The following OXSR1 variants were observed in gnomAD, a reference collection of about 807,000 sequenced individuals.
OXSR1 encodes the protein oxidative stress responsive kinase 1.
In OXSR1, 24 loss-of-function variants were observed where a neutral mutation model predicts 79.8. The ratio of observed to expected loss-of-function variants is 0.30; its 90% confidence interval spans 0.22 to 0.42. The LOEUF is 0.42. Among genes scored for constraint, OXSR1 ranks in the 10% least tolerant of loss-of-function variants. The pLI is 1.00. For synonymous variants in OXSR1, 226 were observed against 209.2 expected, an observed-to-expected ratio of 1.08 and a Z score of -0.69; for missense variants, 430 against 618.4, an observed-to-expected ratio of 0.70 and a Z score of 3.23.
intron 11 of OXSR1, among the ~76,000 whole-genome samples, chr3:38,238,094 A>G (rs532464331): frequency 6.6e-6 from 1 of 152,172 alleles, no homozygotes; most frequent in Admixed American, 6.5e-5. Context: ...TAGTTCTGAA[A>G]TAGTTATAGT....
Position 38,224,626 on chromosome 3 carries a change from A to T in OXSR1, c.758A>T (p.Asp253Val). Residue 253 changes from aspartate to valine, a missense_variant, in exon 8 of 18, where the codon GAT becomes GTT. Around this residue, in one of 3 missense-constraint regions of OXSR1, gnomAD observed 276 missense variants for 354.2 expected, o/e 0.78. Coordinates refer to ENST00000311806, the MANE Select transcript of OXSR1 (RefSeq NM_005109.3). ...CCTTCTTTGGAAACTGGTGTTCAAGATAAAGAAATGCTGAAAAAATATGGA... is the reference window on the plus strand; with the variant it reads ...CCTTCTTTGGAAACTGGTGTTCAAGTTAAAGAAATGCTGAAAAAATATGGA... ...DPPSLETGVQDKEMLKKYGKS... is the reference protein window; with the variant it reads ...DPPSLETGVQVKEMLKKYGKS... 6.3e-7 allele frequency: 1 copy of T among 1,597,376 alleles called. No individual in the cohort carries two copies. The highest frequency in any genetic ancestry group is 8.5e-7 in the Non-Finnish European group (1 of 1,172,510).
At chr3:38,181,230 A>C (rs1255375001) in intron 1 of OXSR1, among the ~76,000 whole-genome samples, 2 of 150,970 alleles carry the variant, frequency 1.3e-5, no homozygotes, top group Non-Finnish European at 2.9e-5. Flanking sequence ...TCTGCTATTG[A>C]GTCTGTCCAG....
At chr3:38,185,983 G>A (rs1701878894) in intron 2 of OXSR1, among the ~76,000 whole-genome samples, 2 of 139,566 alleles carry the variant, frequency 1.4e-5, no homozygotes, top group Non-Finnish European at 3.1e-5. Context: ...AAAAAGTCAT[G>A]TGAAAGAAAG....
In OXSR1 at chr3:38,165,755, C is replaced by G. The variant is rs553074605; in HGVS notation, c.-122C>G. On this transcript the variant is annotated 5_prime_UTR_variant, in exon 1 of 18. Coordinates refer to ENST00000311806, the MANE Select transcript of OXSR1 (RefSeq NM_005109.3). ...CGGCGCCGTCCGACCCGTGGCTGTT[C>G]CGAGACGATTGGTGGGGGCGCGGCG... 5.6e-6 allele frequency: 5 copies of G among 892,138 alleles called. No individual in the cohort carries two copies. The highest frequency in any genetic ancestry group is 3.1e-5 in the South Asian group (2 of 64,486). The allele number at this position is 892,138 out of a possible 1,614,324, so 55.3% of individuals were successfully genotyped here. A position where few individuals can be genotyped will look rare whatever the true frequency, so the allele number is the denominator to read the frequency against.
intron 12 of OXSR1, among the ~76,000 whole-genome samples, chr3:38,245,391 T>C (rs573072608): frequency 6.6e-6 from 1 of 152,310 alleles, no homozygotes; most frequent in East Asian, 1.9e-4. Flanking sequence ...TAAAATATCT[T>C]TTTTTAGTTT....
intron 10 of OXSR1, among the ~76,000 whole-genome samples, chr3:38,234,018 CA>C (rs1258447923): frequency 6.6e-6 from 1 of 152,122 alleles, no homozygotes; most frequent in Non-Finnish European, 1.5e-5. Context: ...TCATCATCTT[CA>C]AATGGCCTTG....
intron 4 of OXSR1, among the ~76,000 whole-genome samples, chr3:38,200,443 C>T (rs893011638): frequency 9.9e-5 from 15 of 152,236 alleles, no homozygotes; most frequent in Non-Finnish European, 8.8e-5. Context: ...TTCTGAGGCC[C>T]CTAGCCACTC....
chr3:38,178,976 CA>C (rs902807947), intron 1 of OXSR1, among the ~76,000 whole-genome samples: 1 of 150,558 alleles, frequency 6.6e-6, no homozygotes, highest in African/African-American at 2.4e-5. Context: ...TGATCCTCCC[CA>C]CCTCAGGCTC....
intron 11 of OXSR1, among the ~76,000 whole-genome samples, chr3:38,242,221 G>A (rs180751408): frequency 4.4e-4 from 67 of 152,160 alleles, no homozygotes; most frequent in Middle Eastern, 3.4e-3. Context: ...GACCACCCGT[G>A]TTTCTTTAGA....
intron 3 of OXSR1, among the ~76,000 whole-genome samples, chr3:38,197,832 T>C (rs1370362147): frequency 1.3e-5 from 2 of 152,218 alleles, no homozygotes; most frequent in African/African-American, 2.4e-5. Context: ...GCAGTTGTTT[T>C]GATTTTAGTC....
intron 1 of OXSR1, among the ~76,000 whole-genome samples, chr3:38,168,501 T>A (rs1325646458): frequency 2.0e-5 from 3 of 152,312 alleles, no homozygotes; most frequent in East Asian, 3.9e-4. Flanking sequence ...TTTTTTCATT[T>A]AAAAAAACAA....
Position 38,229,716 on chromosome 3 carries a change from A to G in OXSR1, c.866A>G (p.Lys289Arg), listed in dbSNP as rs1057068960. ...RPTAAELLRHKFFQKAKNKEF... is the reference protein window; with the variant it reads ...RPTAAELLRHRFFQKAKNKEF... Reference sequence around the variant, plus strand: ...ACAGCAGCAGAACTATTAAGGCACAAATTTTTCCAGAAAGCAAAGGTAGGA... The same window carrying G: ...ACAGCAGCAGAACTATTAAGGCACAGATTTTTCCAGAAAGCAAAGGTAGGA... The change falls in exon 9 of 18, where the codon AAA becomes AGA. Residue 289 changes from lysine (K) to arginine (R), a missense_variant. By Grantham distance (26) the Lys-to-Arg change is conservative. Around this residue, in one of 3 missense-constraint regions of OXSR1, gnomAD observed 276 missense variants for 354.2 expected, o/e 0.78. Coordinates refer to ENST00000311806, the MANE Select transcript of OXSR1 (RefSeq NM_005109.3). 1.7e-5 allele frequency: 27 copies of G among 1,611,728 alleles called. No homozygotes were observed. Among genetic ancestry groups the G allele is most frequent in the Non-Finnish European group, 2.2e-5 (26 of 1,178,932 alleles).
chr3:38,214,338 G>A (rs1408640249), intron 4 of OXSR1, among the ~76,000 whole-genome samples: 1 of 152,026 alleles, frequency 6.6e-6, no homozygotes, highest in Non-Finnish European at 1.5e-5. Context: ...GTAAGTACAG[G>A]TGACTATAGT....
chr3:38,204,765 G>A (rs549108369), intron 4 of OXSR1, among the ~76,000 whole-genome samples: 1 of 151,848 alleles, frequency 6.6e-6, no homozygotes, highest in Non-Finnish European at 1.5e-5. Context: ...GCTGCAAGCT[G>A]TGCTGCCTGG....
chr3:38,251,567 A>C (rs1336039191), intron 16 of OXSR1, 96 bp downstream of exon 16: 6 of 896,598 alleles, frequency 6.7e-6, no homozygotes, highest in Non-Finnish European at 9.3e-6. Flanking sequence ...AGTAGGTCTG[A>C]TGGTTCTTGA....
chr3:38,169,792 A>AGTG (rs1701541644), intron 1 of OXSR1, among the ~76,000 whole-genome samples: 3 of 150,080 alleles, frequency 2.0e-5, no homozygotes, highest in Admixed American at 2.0e-4. Context: ...GGTGGAGTGC[A>AGTG]GTGTCATGAT....
chr3:38,253,998 G>A lies in OXSR1; in HGVS notation c.*1107G>A. On this transcript the variant is annotated 3_prime_UTR_variant, in exon 18 of 18. Coordinates refer to ENST00000311806, the MANE Select transcript of OXSR1 (RefSeq NM_005109.3). The stretch of plus-strand genomic sequence containing the variant: ...GACAGTGTTCATTTGATTTTCTACA[G>A]AAATAATATAAATTATTCTTTAGGT... 2.6e-6 allele frequency: 1 copy of A among 391,320 alleles called. No homozygotes were observed. The highest frequency in any genetic ancestry group is 4.5e-6 in the Non-Finnish European group (1 of 221,816). 24.2% of individuals were successfully genotyped at this position (391,320 alleles called of 1,614,324 possible).
intron 8 of OXSR1, among the ~76,000 whole-genome samples, chr3:38,227,237 CAT>C (rs1199347609): frequency 1.5e-4 from 23 of 152,100 alleles, no homozygotes; most frequent in Non-Finnish European, 1.0e-4. Context: ...AAACACTTAA[CAT>C]ATATTGTTTA....
intron 13 of OXSR1, 83 bp downstream of exon 13, chr3:38,246,304 A>AC: frequency 8.5e-6 from 11 of 1,287,378 alleles, no homozygotes; most frequent in Non-Finnish European, 1.2e-5. Context: ...AACCTAATGT[A>AC]ATCAGGTTAA....
Sources: allele counts gnomAD v4.1 joint callset (sites outside exome capture counted in the v4.1 genomes callset), GRCh38; gene constraint gnomAD v4.1.1; regional missense constraint gnomAD v4.1.1; transcripts MANE v1.5; gene names NCBI Gene and HGNC (gene_info 2026-07-23, HGNC 2026-07-21).